OSBPL6: variants seen among roughly 807,000 people sequenced by gnomAD.
OSBPL6 encodes oxysterol binding protein like 6, also known as oxysterol-binding protein-related protein 6.
Under a neutral mutation model 125.8 loss-of-function variants are expected in OSBPL6, and 49 were observed. The observed-to-expected ratio is 0.39, with a 90% CI of 0.31 to 0.49. OSBPL6 has a LOEUF of 0.49. OSBPL6 is among the 20% of genes least tolerant of loss of function. The pLI is 0.88. For missense variants in OSBPL6, 986 were observed against 1,135.4 expected (o/e 0.87, Z 1.89); for synonymous variants, 394 against 391.8 (o/e 1.01, Z -0.07).
chr2:178,203,126 C>A (rs1421421725), intron 1 of OSBPL6, among the ~76,000 whole-genome samples: 1 of 152,046 alleles, frequency 6.6e-6, no homozygotes, highest in Non-Finnish European at 1.5e-5. Flanking sequence ...TTTTAAAGTT[C>A]TCTTTTCTCT....
At chr2:178,300,767 T>C (rs1429632958) in intron 2 of OSBPL6, among the ~76,000 whole-genome samples, 1 of 152,176 alleles carries the variant, frequency 6.6e-6, no homozygotes. Context: ...CATTTTACTC[T>C]TAACTGTCAC....
At chr2:178,259,761 C>T (rs897350575) in intron 1 of OSBPL6, among the ~76,000 whole-genome samples, 7 of 152,168 alleles carry the variant, frequency 4.6e-5, no homozygotes, top group East Asian at 1.9e-4. Context: ...CTTTGACAGG[C>T]GGCAGTTTCT....
At chr2:178,382,371 G>A in intron 15 of OSBPL6, 49 bp from the exon 16 acceptor site, 1 of 1,540,366 alleles carries the variant, frequency 6.5e-7, no homozygotes, top group African/African-American at 1.4e-5. Context: ...ATCTGAGCTT[G>A]CAAAACTGAA....
Position 178,389,132 on chromosome 2 carries a change from T to C in OSBPL6, c.2280T>C (p.Ile760=). The C allele has an allele frequency of 6.2e-7, 1 of 1,613,758 alleles. No homozygotes were observed. The highest frequency in any genetic ancestry group is 8.5e-7 in the Non-Finnish European group (1 of 1,179,916). ...TIRNTKSSVC[I]CKLTFVKVNY... ...GAAATACCAAAAGCAGTGTTTGCAT[T>C]TGCAAACTCACATTTGTCAAGGTAA... Residue 760 remains isoleucine (I), a synonymous_variant, in exon 21 of 25, where the codon ATT becomes ATC. Transcript: ENST00000190611.
intron 3 of OSBPL6, among the ~76,000 whole-genome samples, chr2:178,317,884 ACT>A (rs1054553348): frequency 1.3e-5 from 2 of 152,034 alleles, no homozygotes; most frequent in African/African-American, 4.8e-5. Flanking sequence ...CTTTAAACTG[ACT>A]CTACATGTTC....
At chr2:178,198,463 A>G (rs949256438) in intron 1 of OSBPL6, among the ~76,000 whole-genome samples, 1 of 150,730 alleles carries the variant, frequency 6.6e-6, no homozygotes, top group Non-Finnish European at 1.5e-5. Flanking sequence ...CACCCAGCTA[A>G]TTTTTGTATT....
intron 2 of OSBPL6, among the ~76,000 whole-genome samples, chr2:178,302,792 A>G (rs1323701692): frequency 6.6e-6 from 1 of 152,210 alleles, no homozygotes; most frequent in Non-Finnish European, 1.5e-5. Flanking sequence ...TCAAGGTGTT[A>G]GCATTGATGT....
At chr2:178,371,191 T>C (rs1693349180) in intron 13 of OSBPL6, among the ~76,000 whole-genome samples, 1 of 152,226 alleles carries the variant, frequency 6.6e-6, no homozygotes, top group African/African-American at 2.4e-5. Flanking sequence ...CTGGGCCTTG[T>C]CTTCTCACAG....
chr2:178,228,264 G>C (rs74620038), intron 1 of OSBPL6, among the ~76,000 whole-genome samples: 78,083 of 151,604 alleles, frequency 0.52, 23,190 homozygotes, highest in African/African-American at 0.83. Flanking sequence ...GGCCGGGCGC[G>C]GTGGCTCATG....
At chr2:178,293,722 G>C (rs919555307) in intron 2 of OSBPL6, among the ~76,000 whole-genome samples, 1 of 151,740 alleles carries the variant, frequency 6.6e-6, no homozygotes, top group African/African-American at 2.4e-5. Flanking sequence ...TTAAATACTA[G>C]GCCCTATTCA....
At chr2:178,344,400 T>G in intron 11 of OSBPL6, 1 of 1,591,222 alleles carries the variant, frequency 6.3e-7, no homozygotes, top group Non-Finnish European at 8.6e-7. Flanking sequence ...TTAATAAGAA[T>G]GAGAACCTGT....
chr2:178,258,603 T>C (rs1389922392), intron 1 of OSBPL6, among the ~76,000 whole-genome samples: 1 of 152,214 alleles, frequency 6.6e-6, no homozygotes, highest in Non-Finnish European at 1.5e-5. Flanking sequence ...GAAGTTTACC[T>C]ATACTGAAAG....
At chr2:178,199,348 A>G (rs1041933285) in intron 1 of OSBPL6, among the ~76,000 whole-genome samples, 4 of 152,052 alleles carry the variant, frequency 2.6e-5, no homozygotes, top group Non-Finnish European at 5.9e-5. Context: ...AACCCCTACC[A>G]TTACTCTTTC....
chr2:178,380,631 TG>T (rs1694386007), intron 15 of OSBPL6, among the ~76,000 whole-genome samples: 1 of 152,100 alleles, frequency 6.6e-6, no homozygotes, highest in Non-Finnish European at 1.5e-5. Context: ...TTTGGCAACA[TG>T]GAACTAAAGC....
chr2:178,351,584 A>G (rs1015063435), intron 12 of OSBPL6, among the ~76,000 whole-genome samples: 1 of 152,244 alleles, frequency 6.6e-6, no homozygotes, highest in African/African-American at 2.4e-5. Flanking sequence ...ATTAAAGAGG[A>G]CACAAATAAA....
upstream of OSBPL6, among the ~76,000 whole-genome samples, chr2:178,194,256 G>C (rs971181172): frequency 2.6e-5 from 4 of 152,166 alleles, no homozygotes; most frequent in East Asian, 7.7e-4. Context: ...GAGAGCCCTG[G>C]CTGTGGGACC....
intron 1 of OSBPL6, among the ~76,000 whole-genome samples, chr2:178,233,197 A>G (rs943422935): frequency 6.6e-6 from 1 of 152,218 alleles, no homozygotes; most frequent in Non-Finnish European, 1.5e-5. Flanking sequence ...GAGTTTTTTC[A>G]GGCTTGGATA....
chr2:178,297,645 A>C (rs1685879601), intron 2 of OSBPL6, among the ~76,000 whole-genome samples: 1 of 152,204 alleles, frequency 6.6e-6, no homozygotes, highest in African/African-American at 2.4e-5. Flanking sequence ...ATCTTACAGA[A>C]TCAAGTCAAA....
At chr2:178,382,605 C>A in intron 16 of OSBPL6, 98 bp downstream of exon 16, 24 of 1,559,326 alleles carry the variant, frequency 1.5e-5, no homozygotes, top group Non-Finnish European at 1.9e-5. Flanking sequence ...GCCACCCCCA[C>A]CCCTGCTAAT....
Sources: allele counts gnomAD v4.1 joint callset (sites outside exome capture counted in the v4.1 genomes callset), GRCh38; gene constraint gnomAD v4.1.1; transcripts MANE v1.5; gene names NCBI Gene and HGNC (gene_info 2026-07-23, HGNC 2026-07-21).